Variants in DROSHA observed in about 807,000 individuals in gnomAD.
The protein encoded by DROSHA is ribonuclease 3.
In DROSHA, 56 loss-of-function variants were observed where a neutral mutation model predicts 181.9. The ratio of observed to expected loss-of-function variants is 0.31; its 90% CI spans 0.25 to 0.38. The LOEUF is 0.38. DROSHA is among the 10% of genes least tolerant of loss of function. The pLI, the probability that DROSHA is intolerant of heterozygous loss-of-function variation, is 1.00. For synonymous variants in DROSHA, 524 were observed against 591.2 expected (o/e 0.89, Z 1.65); for missense variants, 1,218 against 1,743.5 (o/e 0.70, Z 5.37).
intron 28 of DROSHA, among the ~76,000 whole-genome samples, 198 bp downstream of exon 28, chr5:31,424,229 T>C (rs79280320): frequency 7.4e-4 from 112 of 152,236 alleles, no homozygotes; most frequent in African/African-American, 2.6e-3. Context: ...CCTACCCTAT[T>C]CCAGACCACA....
chr5:31,478,545 C>A (rs915746885), intron 16 of DROSHA, among the ~76,000 whole-genome samples: 1 of 152,098 alleles, frequency 6.6e-6, no homozygotes, highest in South Asian at 2.1e-4. Context: ...ACCAGCCTGA[C>A]CAACATGGCA....
chr5:31,451,164 T>C (rs1422957320), intron 21 of DROSHA, among the ~76,000 whole-genome samples: 4 of 151,918 alleles, frequency 2.6e-5, no homozygotes, highest in Admixed American at 6.6e-5. Context: ...ATCACGCCAT[T>C]GCACTCCAGC....
In DROSHA at chr5:31,464,348, A is replaced by G. The variant is rs1748766423; in HGVS notation, c.2467-5T>C. The G allele has an allele frequency of 6.2e-7, 1 of 1,612,124 alleles. No homozygotes were observed. Among genetic ancestry groups the G allele is most frequent in the African/African-American group, 1.3e-5 (1 of 74,760 alleles). ...CCGTATTTTTTGGAGGGCTTCCTAGAAAAGAATTCATTATGATGAGTAACA... is the reference window on the plus strand; with the variant it reads ...CCGTATTTTTTGGAGGGCTTCCTAGGAAAGAATTCATTATGATGAGTAACA... On this transcript the variant is annotated splice_region_variant and splice_polypyrimidine_tract_variant and intron_variant, in intron 19 of 35. Coordinates refer to ENST00000344624, the MANE Select transcript of DROSHA (RefSeq NM_001382508.1).
intron 23 of DROSHA, among the ~76,000 whole-genome samples, chr5:31,445,147 T>C (rs1481655781): frequency 6.6e-6 from 1 of 152,152 alleles, no homozygotes; most frequent in Non-Finnish European, 1.5e-5. Flanking sequence ...CTCCCCATCT[T>C]AAAAACAAAG....
At chr5:31,522,392 T>C (rs1580380990) in intron 5 of DROSHA, among the ~76,000 whole-genome samples, 1 of 152,266 alleles carries the variant, frequency 6.6e-6, no homozygotes, top group East Asian at 1.9e-4. Context: ...GGCACGGCTG[T>C]TGAAAAAAAT....
chr5:31,429,127 GC>G (rs1743826423), intron 27 of DROSHA, among the ~76,000 whole-genome samples: 1 of 152,082 alleles, frequency 6.6e-6, no homozygotes, highest in African/African-American at 2.4e-5. Context: ...CTTCAACTAA[GC>G]CTGCATGGGG....
rs75002788 is a variant in DROSHA at position 31,405,644 on chromosome 5, T to C, written c.3994+33A>G. 2,713 of 1,527,400 alleles carry C rather than the reference T, an allele frequency of 1.8e-3. 30 individuals are homozygous for C. The African/African-American group carries it at 0.026, about 15-fold the overall frequency. 94.6% of individuals were successfully genotyped at this position (1,527,400 alleles called of 1,614,324 possible). On this transcript the variant is annotated intron_variant, in intron 35 of 35. Transcript: ENST00000344624. ...TTTCCATAAAACACTCATTACATTA[T>C]GAACATAATTATAGAAAAAAAAACA...
At chr5:31,521,029 A>C in intron 6 of DROSHA, 94 bp downstream of exon 6, 1 of 1,235,128 alleles carries the variant, frequency 8.1e-7, no homozygotes, top group African/African-American at 1.5e-5. Flanking sequence ...CTCTGAGGCC[A>C]TTATGAAGAC....
At chr5:31,403,432 C>A (rs891433801) in intron 35 of DROSHA, among the ~76,000 whole-genome samples, 3 of 152,146 alleles carry the variant, frequency 2.0e-5, no homozygotes, top group Non-Finnish European at 4.4e-5. Context: ...TATACACACA[C>A]ACACATACAC....
At chr5:31,531,947 A>C (rs1741474669) in intron 1 of DROSHA, 43 bp downstream of exon 1, 3 of 172,746 alleles carry the variant, frequency 1.7e-5, no homozygotes, top group Non-Finnish European at 1.3e-5. Context: ...AAATCCTGAC[A>C]CTCGGAAACT....
At chr5:31,479,778 ATATG>A (rs1301657754) in intron 16 of DROSHA, among the ~76,000 whole-genome samples, 1 of 152,086 alleles carries the variant, frequency 6.6e-6, no homozygotes, top group African/African-American at 2.4e-5. Context: ...TTTGAATAGC[ATATG>A]TACGTTCACC....
rs759616408 is a variant in DROSHA, at chr5:31,472,171, T to A, written c.2133A>T (p.Lys711Asn). 65 of 1,613,778 alleles carry A rather than the reference T, an allele frequency of 4.0e-5. No individual in the cohort carries two copies. The highest frequency in any genetic ancestry group is 4.8e-5 in the Non-Finnish European group (57 of 1,179,880). The change falls in exon 17 of 36, where the codon AAA becomes AAT. Residue 711 changes from lysine (K) to asparagine (N), a missense_variant. By Grantham distance (94) the Lys-to-Asn change is moderately conservative (BLOSUM62 0). Around this residue, in one of 8 missense-constraint regions of DROSHA, gnomAD observed 460 missense variants for 774.2 expected, o/e 0.59. Transcript: ENST00000344624. ...QILLYLLRCS[K>N]ALVPEEEIAN... Reference sequence around the variant, plus strand: ...CAATCTCCTCCTCAGGCACCAGGGCTTTGCTGCACCTTAACAAGTACAGGA... The same window carrying A: ...CAATCTCCTCCTCAGGCACCAGGGCATTGCTGCACCTTAACAAGTACAGGA...
intron 27 of DROSHA, among the ~76,000 whole-genome samples, chr5:31,429,245 C>T (rs1444619425): frequency 6.6e-6 from 1 of 151,978 alleles, no homozygotes; most frequent in Non-Finnish European, 1.5e-5. Flanking sequence ...TATAAGTGAC[C>T]ATGAGGAAAG....
At chr5:31,405,652 A>C in intron 35 of DROSHA, 25 bp downstream of exon 35, 1 of 1,541,632 alleles carries the variant, frequency 6.5e-7, no homozygotes, top group Non-Finnish European at 8.7e-7. Context: ...TATGAACATA[A>C]TTATAGAAAA....
chr5:31,471,984 C>T (rs991100341), intron 17 of DROSHA, 79 bp downstream of exon 17: 256 of 1,373,016 alleles, frequency 1.9e-4, no homozygotes, highest in Non-Finnish European at 2.4e-4. Context: ...TTAAAATGTG[C>T]TGTTACTGTT....
intron 31 of DROSHA, among the ~76,000 whole-genome samples, chr5:31,410,538 A>C (rs1741185086): frequency 6.6e-6 from 1 of 152,244 alleles, no homozygotes; most frequent in Non-Finnish European, 1.5e-5. Flanking sequence ...ACCACTGAAC[A>C]TAGATTGAAC....
Position 31,429,480 on chromosome 5 carries a change from C to T in DROSHA, c.3211G>A (p.Asp1071Asn), listed in dbSNP as rs1743883985. 1 of 1,610,674 alleles carries T rather than the reference C, an allele frequency of 6.2e-7. No homozygotes were observed. The highest frequency in any genetic ancestry group is 1.3e-5 in the African/African-American group (1 of 74,922). The change falls in exon 27 of 36, where the codon GAT becomes AAT. Residue 1071 changes from aspartate (D) to asparagine (N), a missense_variant. Physicochemically the swap from Asp to Asn is conservative, Grantham distance 23. Around this residue, in one of 8 missense-constraint regions of DROSHA, gnomAD observed 71 missense variants for 95.2 expected, o/e 0.75. Coordinates refer to ENST00000344624, the MANE Select transcript of DROSHA (RefSeq NM_001382508.1). ...AAATGATTCCATAGAAATACCGGAT[C>T]ATTAAAGAGCAAGCGTCCAAATAAC... is the stretch of plus-strand genomic sequence containing the variant. ...KQLFGRLLFN[D>N]PDLREVWLNY...
intron 20 of DROSHA, among the ~76,000 whole-genome samples, chr5:31,458,276 T>A (rs1172562252): frequency 1.3e-5 from 2 of 152,220 alleles, no homozygotes; most frequent in African/African-American, 4.8e-5. Flanking sequence ...AGACCATCTG[T>A]ACTCCCAAAC....
chr5:31,529,073 G>C lies in DROSHA; in HGVS notation c.-14C>G, dbSNP rs1740923010. 1 of 1,612,446 alleles carries C rather than the reference G, an allele frequency of 6.2e-7. No individual in the cohort carries two copies. Among genetic ancestry groups the C allele is most frequent in the Admixed American group, 1.7e-5 (1 of 59,840 alleles). On this transcript the variant is annotated 5_prime_UTR_variant, in exon 4 of 36. In the 5' UTR this introduces an upstream ATG that the reference lacks. Transcript: ENST00000344624. ...TCCCTGCATCATGATGTTCCGCCTG[G>C]ATATGTCACATCTTCCACAGAGAAT... is the stretch of plus-strand genomic sequence containing the variant.
Sources: allele counts gnomAD v4.1 joint callset (sites outside exome capture counted in the v4.1 genomes callset), GRCh38; gene constraint gnomAD v4.1.1; regional missense constraint gnomAD v4.1.1; transcripts MANE v1.5; gene names NCBI Gene and HGNC (gene_info 2026-07-23, HGNC 2026-07-21).